The following EYS variants were observed in gnomAD, a reference collection of about 807,000 sequenced individuals.
The protein encoded by EYS is protein eyes shut homolog.
Under a neutral mutation model 282.1 loss-of-function variants are expected in EYS, and 250 were observed. That is an observed-to-expected ratio of 0.89 (90% CI 0.80 to 0.98). The LOEUF is 0.98. EYS is among the 50% of genes least tolerant of loss of function. EYS has a pLI of 0.00. For missense variants in EYS, 4,016 were observed against 3,709.0 expected (o/e 1.08, Z -2.15); for synonymous variants, 1,355 against 1,282.9 (o/e 1.06, Z -1.20).
chr6:65,227,609 G>A (rs1344808866), intron 12 of EYS, among the ~76,000 whole-genome samples: 2 of 151,908 alleles, frequency 1.3e-5, no homozygotes, highest in African/African-American at 4.8e-5. Context: ...AACTCAAACA[G>A]GTATCTTAAC....
In EYS at chr6:64,239,879, T is replaced by G. The variant is rs1766740719; in HGVS notation, c.6192-9055A>C. ...TCTAGGTTTTCTTCTAGGGTTTTTA[T>G]GATTTTAGGTCTTACATTTACGTCT... On this transcript the variant is annotated intron_variant, in intron 30 of 42. Coordinates refer to ENST00000503581, the MANE Select transcript of EYS (RefSeq NM_001142800.2). 2.0e-5 allele frequency among the ~76,000 whole-genome samples: 3 copies of G among 152,234 alleles called. No homozygotes were observed. The South Asian group carries it at 6.2e-4, about 31-fold the overall frequency.
intron 35 of EYS, among the ~76,000 whole-genome samples, chr6:63,920,420 A>G (rs1361837496): frequency 1.3e-5 from 2 of 152,194 alleles, no homozygotes; most frequent in African/African-American, 4.8e-5. Flanking sequence ...GTTTTCTGGA[A>G]GGTTCTGTCT....
Position 64,033,691 on chromosome 6 carries a change from C to T in EYS, c.6725+32647G>A, listed in dbSNP as rs569195960. On this transcript the variant is annotated intron_variant, in intron 33 of 42. Transcript: ENST00000503581. ...TATATTCAGATCAGATAGGTTGCTA[C>T]AAAAACAAATTTAAAATTATTAGAA... is the stretch of plus-strand genomic sequence containing the variant. Among the ~76,000 whole-genome samples, 34 of 151,972 alleles carry T rather than the reference C, an allele frequency of 2.2e-4. 1 individual carries two copies. The South Asian group carries it at 6.8e-3, about 31-fold the overall frequency.
At chr6:64,661,899 T>G (rs1426246320) in intron 22 of EYS, among the ~76,000 whole-genome samples, 1 of 146,088 alleles carries the variant, frequency 6.8e-6, no homozygotes, top group South Asian at 2.3e-4. Flanking sequence ...ACCCAAAGTA[T>G]TATAAATCAT....
At chr6:64,590,041 A>G (rs1178137894) in intron 26 of EYS, among the ~76,000 whole-genome samples, 182 bp downstream of exon 26, 1 of 152,156 alleles carries the variant, frequency 6.6e-6, no homozygotes, top group African/African-American at 2.4e-5. Context: ...CCTTTGTGGC[A>G]GTGCATAAAG....
intron 22 of EYS, among the ~76,000 whole-genome samples, chr6:64,696,536 ACCATGACATGTAG>A (rs1770587474): frequency 6.6e-6 from 1 of 152,162 alleles, no homozygotes; most frequent in African/African-American, 2.4e-5. Context: ...GAAGGACCTC[ACCATGACATGTAG>A]CCATTAGACT....
At chr6:65,423,697 G>C (rs1302123679) in intron 5 of EYS, among the ~76,000 whole-genome samples, 1 of 151,712 alleles carries the variant, frequency 6.6e-6, no homozygotes, top group Non-Finnish European at 1.5e-5. Flanking sequence ...ATTCACCCTA[G>C]GCCCAACTCA....
At chr6:65,623,900 T>G (rs758371838) in intron 2 of EYS, among the ~76,000 whole-genome samples, 4 of 152,150 alleles carry the variant, frequency 2.6e-5, no homozygotes, top group Non-Finnish European at 5.9e-5. Flanking sequence ...CATAGGCTCA[T>G]GTTGAGTGGG....
At chr6:65,176,232 C>A (rs927141647) in intron 12 of EYS, among the ~76,000 whole-genome samples, 8 of 151,498 alleles carry the variant, frequency 5.3e-5, no homozygotes, top group Non-Finnish European at 1.2e-4. Flanking sequence ...TGACCAAGAT[C>A]TTGCCATTTC....
At chr6:64,860,480 G>T (rs180733798) in intron 19 of EYS, among the ~76,000 whole-genome samples, 1 of 152,338 alleles carries the variant, frequency 6.6e-6, no homozygotes, top group East Asian at 1.9e-4. Flanking sequence ...TCAGCTCCCT[G>T]TGTGGTTGTG....
intron 37 of EYS, among the ~76,000 whole-genome samples, chr6:63,799,328 A>G (rs1273250519): frequency 2.6e-5 from 4 of 151,728 alleles, no homozygotes; most frequent in Admixed American, 6.6e-5. Flanking sequence ...AATTTTTTTT[A>G]TTACTGTATT....
chr6:64,332,068 C>A (rs973284380), intron 29 of EYS, among the ~76,000 whole-genome samples: 1 of 152,206 alleles, frequency 6.6e-6, no homozygotes, highest in Non-Finnish European at 1.5e-5. Flanking sequence ...ATGGAAACTG[C>A]ATACAGCTTA....
chr6:64,949,913 G>A lies in EYS; in HGVS notation c.2260-3999C>T, dbSNP rs9453121. 8.1e-3 allele frequency among the ~76,000 whole-genome samples: 1,224 copies of A among 151,938 alleles called. 17 individuals carry two copies. The highest frequency in any genetic ancestry group is 0.027 in the African/African-American group (1,130 of 41,490). On this transcript the variant is annotated intron_variant, in intron 14 of 42. Transcript: ENST00000503581. Reference sequence around the variant, plus strand: ...ATAACTATAATATTCTTAGCCTAGCGACAAATAATTATCATTAATTAGTAG... The same window carrying A: ...ATAACTATAATATTCTTAGCCTAGCAACAAATAATTATCATTAATTAGTAG...
intron 39 of EYS, among the ~76,000 whole-genome samples, chr6:63,783,796 G>A (rs957527308): frequency 6.6e-6 from 1 of 152,220 alleles, no homozygotes; most frequent in African/African-American, 2.4e-5. Context: ...ATACAGAGAG[G>A]CAGTGGCTAG....
At chr6:64,190,802 T>G (rs1350077078) in intron 31 of EYS, among the ~76,000 whole-genome samples, 2 of 152,160 alleles carry the variant, frequency 1.3e-5, no homozygotes, top group Non-Finnish European at 2.9e-5. Flanking sequence ...GAATCTTACC[T>G]TCATGAAAGA....
At chr6:64,493,952 T>G (rs1029220503) in intron 26 of EYS, among the ~76,000 whole-genome samples, 1 of 151,580 alleles carries the variant, frequency 6.6e-6, no homozygotes, top group Non-Finnish European at 1.5e-5. Flanking sequence ...GGAACTCCAA[T>G]TGTCAAAGGG....
rs1233945760 is a variant in EYS at position 64,066,434 on chromosome 6, G to A, written c.6629C>T (p.Pro2210Leu). The change falls in exon 33 of 43, where the codon CCA becomes CTA. Residue 2210 changes from proline (P) to leucine (L), a missense_variant. Coordinates refer to ENST00000503581, the MANE Select transcript of EYS (RefSeq NM_001142800.2). ...ATTTCCACACCCATATTTAACTGAT[G>A]GCCTTCCTTCCACAAGAAATAAATG... ...FLHLFLVEGR[P>L]SVKYGCGNSQ... 4 of 1,549,390 alleles carry A rather than the reference G, an allele frequency of 2.6e-6. No individual in the cohort carries two copies. The highest frequency in any genetic ancestry group is 2.4e-5 in the East Asian group (1 of 40,892).
intron 35 of EYS, among the ~76,000 whole-genome samples, chr6:63,940,212 C>T (rs1765191037): frequency 6.6e-6 from 1 of 151,926 alleles, no homozygotes; most frequent in Non-Finnish European, 1.5e-5. Flanking sequence ...AAAGTCATGA[C>T]ATTACAAGAA....
chr6:65,330,753 C>A, intron 11 of EYS: 1 of 960,296 alleles, frequency 1.0e-6, no homozygotes, highest in Non-Finnish European at 1.2e-6. Flanking sequence ...TTCTCCATCC[C>A]GAAATCACAA....
Sources: gnomAD v4.1 joint callset for allele counts (sites outside exome capture counted in the v4.1 genomes callset) on GRCh38, gnomAD v4.1.1 for gene constraint, MANE v1.5 for transcripts, NCBI Gene and HGNC (gene_info 2026-07-23, HGNC 2026-07-21) for gene names.